Variants in PDE7B observed in about 807,000 individuals in gnomAD.
PDE7B encodes phosphodiesterase 7B, also known as 3',5'-cyclic-AMP phosphodiesterase 7B.
Under a neutral mutation model 56.2 loss-of-function variants are expected in PDE7B, and 29 were observed. That is an observed-to-expected ratio of 0.52 (90% confidence interval 0.38 to 0.70). The LOEUF is 0.70. Among genes scored for constraint, PDE7B ranks in the 30% least tolerant of loss-of-function variants. The pLI is 0.00. For missense variants in PDE7B, 490 were observed against 565.0 expected, an observed-to-expected ratio of 0.87 and a Z score of 1.35; for synonymous variants, 197 against 196.9, an observed-to-expected ratio of 1.00 and a Z score of 0.00.
At chr6:135,908,631 A>G (rs1272029988) in intron 1 of PDE7B, among the ~76,000 whole-genome samples, 1 of 152,214 alleles carries the variant, frequency 6.6e-6, no homozygotes, top group Admixed American at 6.5e-5. Flanking sequence ...CACACATTAG[A>G]GTACAATACC....
At chr6:135,884,936 CATTAA>C (rs1775674951) in intron 1 of PDE7B, among the ~76,000 whole-genome samples, 1 of 152,082 alleles carries the variant, frequency 6.6e-6, no homozygotes, top group Non-Finnish European at 1.5e-5. Context: ...ATATTACACC[CATTAA>C]ATTAAACGTC....
intron 2 of PDE7B, among the ~76,000 whole-genome samples, chr6:135,976,482 G>A (rs7772703): frequency 0.018 from 2,778 of 152,186 alleles, 95 homozygotes; most frequent in African/African-American, 0.062. Context: ...AGGGCAGAGC[G>A]GGAGTAAGTA....
At chr6:136,029,759 T>C (rs1199152431) in intron 2 of PDE7B, among the ~76,000 whole-genome samples, 1 of 152,224 alleles carries the variant, frequency 6.6e-6, no homozygotes, top group African/African-American at 2.4e-5. Flanking sequence ...AATCTTTTGA[T>C]AATAAAGATC....
intron 1 of PDE7B, 124 bp from the exon 2 acceptor site, chr6:135,947,332 GTCCCTAGA>G: frequency 1.4e-6 from 1 of 708,694 alleles, no homozygotes; most frequent in South Asian, 1.7e-5. Context: ...CATGACATAA[GTCCCTAGA>G]CTCAGGTAAC....
intron 2 of PDE7B, chr6:136,044,732 A>C (rs936114109): frequency 6.6e-6 from 1 of 152,222 alleles, no homozygotes; most frequent in Admixed American, 6.5e-5. Flanking sequence ...AACACTTTAC[A>C]TAAACTAAAA....
intron 3 of PDE7B, among the ~76,000 whole-genome samples, chr6:136,111,387 G>A (rs530147005): frequency 1.3e-5 from 2 of 152,076 alleles, no homozygotes; most frequent in African/African-American, 2.4e-5. Flanking sequence ...TGAACAACAC[G>A]GGTAGGAATG....
At chr6:136,167,737 A>T (rs977228111) in intron 8 of PDE7B, among the ~76,000 whole-genome samples, 3 of 152,326 alleles carry the variant, frequency 2.0e-5, no homozygotes, top group Non-Finnish European at 2.9e-5. Flanking sequence ...TAAGTGCTCA[A>T]TATATTTGTT....
At chr6:136,141,438 G>A (rs989717992) in intron 3 of PDE7B, among the ~76,000 whole-genome samples, 1 of 152,128 alleles carries the variant, frequency 6.6e-6, no homozygotes, top group East Asian at 1.9e-4. Flanking sequence ...CTTTTTTGTT[G>A]TGTCTCTGCC....
At chr6:136,035,652 T>A (rs759061501) in intron 2 of PDE7B, among the ~76,000 whole-genome samples, 18 of 152,278 alleles carry the variant, frequency 1.2e-4, no homozygotes, top group Admixed American at 3.3e-4. Flanking sequence ...GGTTCCTCCT[T>A]GGGAATGAAA....
At chr6:135,939,788 T>C (rs963602588) in intron 1 of PDE7B, among the ~76,000 whole-genome samples, 13 of 152,264 alleles carry the variant, frequency 8.5e-5, no homozygotes, top group African/African-American at 2.9e-4. Context: ...CTTTTGGTCA[T>C]AGCCATTCTA....
At chr6:135,878,300 A>G (rs754780677) in intron 1 of PDE7B, among the ~76,000 whole-genome samples, 6 of 152,072 alleles carry the variant, frequency 3.9e-5, no homozygotes, top group Non-Finnish European at 5.9e-5. Context: ...TAGTGTGTTT[A>G]TAGTGGGAAA....
At position 135,917,434 on chromosome 6, in the gene PDE7B, GTT is replaced by G. The variant is rs532087793; in HGVS notation, c.22-30028_22-30027del. Among the ~76,000 whole-genome samples the G allele has an allele frequency of 5.9e-5, 9 of 152,024 alleles. No individual in the cohort carries two copies. The East Asian group carries it at 1.7e-3, about 29-fold the overall frequency. ...GATATTATATTTTTTAATTCTAAAA[GTT>G]TCATGTGGTTGTGTTTTACAGTTTC... is the stretch of plus-strand genomic sequence containing the variant. On this transcript the variant is annotated intron_variant, in intron 1 of 12. Transcript: ENST00000308191.
chr6:136,112,884 T>C (rs923337662), intron 3 of PDE7B, among the ~76,000 whole-genome samples: 1 of 151,370 alleles, frequency 6.6e-6, no homozygotes, highest in Admixed American at 6.6e-5. Context: ...ATAAGGTGAC[T>C]CTTGGTTTGC....
intron 2 of PDE7B, among the ~76,000 whole-genome samples, chr6:135,981,323 T>C (rs1207859920): frequency 6.8e-5 from 10 of 146,956 alleles, no homozygotes; most frequent in Non-Finnish European, 1.1e-4. Context: ...CTGGGAGATA[T>C]ACCTAATGCT....
chr6:135,947,081 G>A (rs191726950), intron 1 of PDE7B, among the ~76,000 whole-genome samples: 61 of 152,194 alleles, frequency 4.0e-4, no homozygotes, highest in African/African-American at 1.4e-3. Flanking sequence ...AGAGTGGGTA[G>A]TGTAGAATAA....
At chr6:135,912,087 C>T (rs1181599570) in intron 1 of PDE7B, among the ~76,000 whole-genome samples, 2 of 152,118 alleles carry the variant, frequency 1.3e-5, no homozygotes, top group Admixed American at 6.5e-5. Context: ...TCCAACATAG[C>T]CCTCACTTTC....
chr6:135,901,629 C>T (rs1024131758), intron 1 of PDE7B, among the ~76,000 whole-genome samples: 3 of 152,096 alleles, frequency 2.0e-5, no homozygotes, highest in African/African-American at 7.2e-5. Flanking sequence ...ACAAGTCAAG[C>T]TCCAAATTGA....
rs183646099 is a variant in PDE7B at position 136,073,299 on chromosome 6, T to G, written c.83-35432T>G. ...AGATCTGAAAGACTCCTTCTTTGTG[T>G]GTAAAGAACATGATTGGGTTAATTA... On this transcript the variant is annotated intron_variant, in intron 2 of 12. Coordinates refer to ENST00000308191, the MANE Select transcript of PDE7B (RefSeq NM_018945.4). 7.1e-4 allele frequency among the ~76,000 whole-genome samples: 108 copies of G among 152,348 alleles called. No individual in the cohort carries two copies. The East Asian group carries it at 0.02, about 28-fold the overall frequency.
intron 2 of PDE7B, among the ~76,000 whole-genome samples, chr6:135,949,449 T>C (rs1342242): frequency 0.41 from 61,535 of 151,898 alleles, 12,673 homozygotes; most frequent in Admixed American, 0.53. Flanking sequence ...ATGTCTCTAA[T>C]GAATCTGCCA....
Sources: gnomAD v4.1 joint callset for allele counts (sites outside exome capture counted in the v4.1 genomes callset) on GRCh38, gnomAD v4.1.1 for gene constraint, MANE v1.5 for transcripts, NCBI Gene and HGNC (gene_info 2026-07-23, HGNC 2026-07-21) for gene names.